Variants in USP47 observed in about 807,000 individuals in gnomAD.
USP47 encodes ubiquitin carboxyl-terminal hydrolase 47.
Under a neutral mutation model 165.1 loss-of-function variants are expected in USP47, and 35 were observed. That is an observed-to-expected ratio of 0.21 (90% CI 0.16 to 0.28). The LOEUF (loss-of-function observed/expected upper bound fraction) is 0.28. Among genes scored for constraint, USP47 ranks in the 10% least tolerant of loss-of-function variants. The pLI, the probability that USP47 is intolerant of heterozygous loss-of-function variation, is 1.00. For synonymous variants in USP47, 531 were observed against 544.5 expected, an observed-to-expected ratio of 0.98 and a Z score of 0.35; for missense variants, 1,277 against 1,607.4, an observed-to-expected ratio of 0.79 and a Z score of 3.52.
intron 1 of USP47, among the ~76,000 whole-genome samples, chr11:11,867,344 C>T (rs1849748637): frequency 6.6e-6 from 1 of 152,126 alleles, no homozygotes; most frequent in Admixed American, 6.6e-5. Context: ...CTTTCATTCT[C>T]TCTCTTCAGG....
chr11:11,851,222 A>G (rs1287293112), intron 1 of USP47, among the ~76,000 whole-genome samples: 1 of 152,156 alleles, frequency 6.6e-6, no homozygotes, highest in African/African-American at 2.4e-5. Context: ...AGATTAACCT[A>G]ATTCCCCAGT....
chr11:11,898,718 G>C (rs1193476830), intron 5 of USP47, among the ~76,000 whole-genome samples: 8 of 152,194 alleles, frequency 5.3e-5, no homozygotes, highest in Non-Finnish European at 8.8e-5. Context: ...AGTTTAAAGA[G>C]AAGAAAGGTT....
chr11:11,949,921 T>C lies in USP47; in HGVS notation c.3381T>C (p.Ala1127=). The change falls in exon 23 of 28, where the codon GCT becomes GCC. Residue 1127 remains alanine, a synonymous_variant. Coordinates refer to ENST00000527733, the MANE Select transcript of USP47 (RefSeq NM_001282659.2). ...PCKFLLDAVF[A]KGMTVRQSKE... ...AGTTTCTGCTAGATGCTGTGTTTGCTAAAGGAATGACTGTACGGCAATCAA... is the reference window on the plus strand; with the variant it reads ...AGTTTCTGCTAGATGCTGTGTTTGCCAAAGGAATGACTGTACGGCAATCAA... 2 of 1,612,772 alleles carry C rather than the reference T, an allele frequency of 1.2e-6. No homozygotes were observed. Among genetic ancestry groups the C allele is most frequent in the Middle Eastern group, 1.7e-4 (1 of 6,056 alleles).
At chr11:11,913,645 G>A (rs1853187166) in intron 8 of USP47, among the ~76,000 whole-genome samples, 1 of 152,004 alleles carries the variant, frequency 6.6e-6, no homozygotes, top group Admixed American at 6.6e-5. Context: ...ATAAAGACAG[G>A]TTGGTTAATA....
chr11:11,955,894 G>A, intron 27 of USP47, 107 bp from the exon 28 acceptor site: 2 of 897,368 alleles, frequency 2.2e-6, no homozygotes, highest in South Asian at 2.0e-5. Context: ...TACTTCACCA[G>A]TAACAGATTT....
chr11:11,940,405 T>G lies in USP47; in HGVS notation c.2194-24T>G, dbSNP rs149014251. 7.8e-4 allele frequency: 1,229 copies of G among 1,568,854 alleles called. 14 individuals carry two copies. The African/African-American group carries it at 0.014, about 18-fold the overall frequency. On this transcript the variant is annotated intron_variant, in intron 18 of 27. Coordinates refer to ENST00000527733, the MANE Select transcript of USP47 (RefSeq NM_001282659.2). ...CAGAATTATTTTTGAAAGAGTACTT[T>G]TTATTAAATTGCTTTCATTATAGGC...
intron 3 of USP47, among the ~76,000 whole-genome samples, chr11:11,890,473 A>G (rs184018955): frequency 2.6e-5 from 4 of 152,338 alleles, no homozygotes; most frequent in African/African-American, 9.6e-5. Context: ...AGAGAAATGC[A>G]AATCAAAACC....
chr11:11,852,123 C>T (rs974092222), intron 1 of USP47, among the ~76,000 whole-genome samples: 1 of 152,106 alleles, frequency 6.6e-6, no homozygotes, highest in African/African-American at 2.4e-5. Flanking sequence ...TCTTTGAGAC[C>T]ATGCAGATAA....
At chr11:11,918,768 T>G (rs1853610238) in intron 8 of USP47, among the ~76,000 whole-genome samples, 1 of 151,986 alleles carries the variant, frequency 6.6e-6, no homozygotes, top group African/African-American at 2.4e-5. Flanking sequence ...GAATTTGAGT[T>G]ACATAATTAT....
chr11:11,875,129 G>A (rs1850326980), intron 1 of USP47, among the ~76,000 whole-genome samples: 1 of 151,638 alleles, frequency 6.6e-6, no homozygotes. Flanking sequence ...AACATTGAAA[G>A]GAAGAATGTC....
At chr11:11,929,989 G>C in intron 12 of USP47, 55 bp from the exon 13 acceptor site, 2 of 1,359,614 alleles carry the variant, frequency 1.5e-6, no homozygotes, top group Non-Finnish European at 2.1e-6. Context: ...ACATATTGAC[G>C]TTAATGTGAT....
chr11:11,903,647 T>G (rs1451562293), intron 7 of USP47, among the ~76,000 whole-genome samples: 1 of 152,182 alleles, frequency 6.6e-6, no homozygotes, highest in Non-Finnish European at 1.5e-5. Flanking sequence ...TTGGGGATGA[T>G]TTTTGAACAG....
intron 8 of USP47, among the ~76,000 whole-genome samples, chr11:11,914,025 A>G (rs1395551394): frequency 6.6e-6 from 1 of 152,146 alleles, no homozygotes; most frequent in African/African-American, 2.4e-5. Flanking sequence ...TTGAGGACAT[A>G]TACAAGCTTA....
chr11:11,873,873 G>A, intron 1 of USP47: 2 of 1,450,368 alleles, frequency 1.4e-6, no homozygotes, highest in South Asian at 2.8e-5. Context: ...GACTGCTGAT[G>A]TAATTGCTTT....
chr11:11,940,140 C>T (rs1419035506), intron 18 of USP47, among the ~76,000 whole-genome samples: 2 of 152,002 alleles, frequency 1.3e-5, no homozygotes, highest in South Asian at 2.1e-4. Context: ...CACTCATTTA[C>T]TTGGCAAGTT....
Position 11,956,980 on chromosome 11 carries a change from C to G in USP47, c.*805C>G, listed in dbSNP as rs1221742720. On this transcript the variant is annotated 3_prime_UTR_variant, in exon 28 of 28. Transcript: ENST00000527733. Reference sequence around the variant, plus strand: ...AACTATCTGCCATGATTATTCTTTTCACGTATCATTCATTCTGTACATTTG... The same window carrying G: ...AACTATCTGCCATGATTATTCTTTTGACGTATCATTCATTCTGTACATTTG... The G allele has an allele frequency of 2.0e-5, 3 of 152,190 alleles. No homozygotes were observed. Among genetic ancestry groups the G allele is most frequent in the East Asian group, 3.9e-4 (2 of 5,192 alleles). The allele number at this position is 152,190 out of a possible 1,614,324, so 9.4% of individuals were successfully genotyped here. A position where few individuals can be genotyped will look rare whatever the true frequency, so the allele number is the denominator to read the frequency against.
At chr11:11,949,828 GTTAATA>G in intron 22 of USP47, 55 bp from the exon 23 acceptor site, 1 of 1,125,306 alleles carries the variant, frequency 8.9e-7, no homozygotes, top group Non-Finnish European at 1.3e-6. Flanking sequence ...ATTTTAATGT[GTTAATA>G]TTAATGTACT....
intron 16 of USP47, among the ~76,000 whole-genome samples, chr11:11,935,773 CT>C (rs776698269): frequency 2.0e-5 from 3 of 151,870 alleles, no homozygotes; most frequent in Admixed American, 6.6e-5. Context: ...ATACCATGAG[CT>C]TTAAGTATTC....
At position 11,842,081 on chromosome 11, in the gene USP47, G is replaced by A; in HGVS notation, c.-105G>A. The A allele has an allele frequency of 2.1e-6, 3 of 1,396,132 alleles. No individual in the cohort carries two copies. The highest frequency in any genetic ancestry group is 2.7e-5 in the South Asian group (2 of 74,022). 86.5% of individuals were successfully genotyped at this position (1,396,132 alleles called of 1,614,324 possible). A position where few individuals can be genotyped will look rare whatever the true frequency, so the allele number is the denominator to read the frequency against. ...GGCCTCCGCTATTGCTGGAGCGCAGGCGGCGGAGAGGATGACTGCCGCTGC... is the reference window on the plus strand; with the variant it reads ...GGCCTCCGCTATTGCTGGAGCGCAGACGGCGGAGAGGATGACTGCCGCTGC... On this transcript the variant is annotated 5_prime_UTR_variant, in exon 1 of 28. Transcript: ENST00000527733.
Sources: gnomAD v4.1 joint callset for allele counts (sites outside exome capture counted in the v4.1 genomes callset) on GRCh38, gnomAD v4.1.1 for gene constraint, MANE v1.5 for transcripts, NCBI Gene and HGNC (gene_info 2026-07-23, HGNC 2026-07-21) for gene names.